Variants in MYO16 observed in about 807,000 individuals in gnomAD.
MYO16 encodes myosin XVI, also known as unconventional myosin-XVI.
MYO16 carries 94 observed loss-of-function variants against 205.3 expected under a neutral mutation model. The observed-to-expected ratio is 0.46, with a 90% CI of 0.39 to 0.54. The LOEUF (loss-of-function observed/expected upper bound fraction) is 0.54, where lower values mean the gene tolerates loss of function less well. Ranked by LOEUF, MYO16 falls within the 20% of genes least tolerant of loss-of-function variation. The pLI is 0.00. For synonymous variants in MYO16, 988 were observed against 954.0 expected (o/e 1.04, Z -0.66); for missense variants, 2,315 against 2,387.5 (o/e 0.97, Z 0.63).
chr13:108,542,332 A>G, the MYO16 span, among the ~76,000 whole-genome samples: 1 of 152,114 alleles, frequency 6.6e-6, no homozygotes, highest in African/African-American at 2.4e-5. Flanking sequence ...ATTTGGGAGG[A>G]GAGAGAAGTT....
chr13:108,549,842 G>A, the MYO16 span, among the ~76,000 whole-genome samples: 15 of 152,300 alleles, frequency 9.8e-5, no homozygotes, highest in Non-Finnish European at 1.6e-4. Context: ...ACCCTAATAT[G>A]TTTCACTTAA....
chr13:108,758,213 C>T (rs756474362), intron 4 of MYO16, among the ~76,000 whole-genome samples: 2 of 152,156 alleles, frequency 1.3e-5, no homozygotes, highest in Non-Finnish European at 2.9e-5. Flanking sequence ...GTTTATAAGC[C>T]ACCCAGTCTA....
At chr13:108,570,869 T>A in the MYO16 span, among the ~76,000 whole-genome samples, 6 of 152,212 alleles carry the variant, frequency 3.9e-5, no homozygotes, top group Non-Finnish European at 7.3e-5. Context: ...GTAGAGAGAT[T>A]AATGCTTGCC....
At chr13:109,019,576 T>C (rs1328518152) in intron 22 of MYO16, 135 bp from the exon 23 acceptor site, 5 of 655,924 alleles carry the variant, frequency 7.6e-6, no homozygotes, top group Non-Finnish European at 1.3e-5. Flanking sequence ...AGAAATATAT[T>C]AAGGTAAAGA....
At chr13:108,837,284 T>A (rs142924904) in intron 9 of MYO16, among the ~76,000 whole-genome samples, 1 of 152,120 alleles carries the variant, frequency 6.6e-6, no homozygotes, top group African/African-American at 2.4e-5. Context: ...GATTGTAAGT[T>A]TCCTGAGGCC....
the MYO16 span, among the ~76,000 whole-genome samples, chr13:108,532,256 A>G: frequency 6.6e-6 from 1 of 151,966 alleles, no homozygotes; most frequent in East Asian, 1.9e-4. Flanking sequence ...AAATAAGAGC[A>G]GAAGAAGCAA....
At chr13:108,992,334 T>C (rs1884864336) in intron 20 of MYO16, 42 bp from the exon 21 acceptor site, 2 of 1,466,854 alleles carry the variant, frequency 1.4e-6, no homozygotes, top group Non-Finnish European at 1.9e-6. Flanking sequence ...ATGAAGGAGT[T>C]TTAAGGATGC....
chr13:108,836,878 T>G (rs1876951452), intron 9 of MYO16, among the ~76,000 whole-genome samples: 1 of 152,200 alleles, frequency 6.6e-6, no homozygotes, highest in African/African-American at 2.4e-5. Flanking sequence ...ATTTACAGGC[T>G]CATAGATGGT....
At chr13:108,579,480 A>G in the MYO16 span, among the ~76,000 whole-genome samples, 2 of 143,870 alleles carry the variant, frequency 1.4e-5, no homozygotes, top group Non-Finnish European at 3.0e-5. Context: ...TCACTCTGTC[A>G]CCCAGATTAG....
At chr13:109,048,428 G>A in intron 24 of MYO16, 1 of 650,508 alleles carries the variant, frequency 1.5e-6, no homozygotes, top group Non-Finnish European at 2.8e-6. Flanking sequence ...TTTGTAAAGG[G>A]CTAGAGAATA....
At chr13:108,988,607 A>T (rs1884717903) in intron 20 of MYO16, among the ~76,000 whole-genome samples, 2 of 152,134 alleles carry the variant, frequency 1.3e-5, no homozygotes, top group South Asian at 4.1e-4. Context: ...CCACCCACAC[A>T]TGCCACAGTG....
At chr13:108,805,925 A>AAAATAAAT (rs113156198) in intron 6 of MYO16, among the ~76,000 whole-genome samples, 2,667 of 137,034 alleles carry the variant, frequency 0.019, 63 homozygotes, top group African/African-American at 0.052. Context: ...AGTCTCTACC[A>AAAATAAAT]AAATAAATAA....
At chr13:108,837,264 C>T (rs1188116526) in intron 9 of MYO16, among the ~76,000 whole-genome samples, 1 of 152,130 alleles carries the variant, frequency 6.6e-6, no homozygotes, top group Non-Finnish European at 1.5e-5. Context: ...GAAGAGGTGC[C>T]TTCTGCCATG....
At chr13:109,120,284 T>A in intron 28 of MYO16, 86 bp from the exon 29 acceptor site, 1 of 936,816 alleles carries the variant, frequency 1.1e-6, no homozygotes, top group South Asian at 1.7e-5. Flanking sequence ...AATCCTCTGC[T>A]GGAAAAATAT....
chr13:109,113,894 G>A (rs537338440), intron 28 of MYO16, among the ~76,000 whole-genome samples: 4 of 152,306 alleles, frequency 2.6e-5, no homozygotes, highest in African/African-American at 7.2e-5. Flanking sequence ...AGGCTAGGGT[G>A]CCTATGAAAC....
In MYO16 at chr13:108,810,218, G is replaced by A. The variant is rs563365930; in HGVS notation, c.867+3414G>A. On this transcript the variant is annotated intron_variant, in intron 7 of 34. Coordinates refer to ENST00000457511, the MANE Select transcript of MYO16 (RefSeq NM_001198950.3). ...GTACTGAGGAAAGTGTCTGAAGATC[G>A]TATGTCTTTACTACTTTGTTCCATT... 5.9e-5 allele frequency among the ~76,000 whole-genome samples: 9 copies of A among 152,244 alleles called. No individual in the cohort carries two copies. In the South Asian group the frequency reaches 8.3e-4, roughly 14 times the overall value.
intron 16 of MYO16, among the ~76,000 whole-genome samples, chr13:108,911,933 G>A (rs1881287318): frequency 1.3e-5 from 2 of 152,236 alleles, no homozygotes; most frequent in Admixed American, 1.3e-4. Context: ...AGCAACACAT[G>A]GTGTTATTGT....
chr13:108,952,832 T>C (rs1352531726), intron 16 of MYO16, among the ~76,000 whole-genome samples: 9 of 152,220 alleles, frequency 5.9e-5, no homozygotes, highest in Non-Finnish European at 1.3e-4. Flanking sequence ...TATGCAATTT[T>C]GACTCATAGA....
chr13:108,590,192 C>G, the MYO16 span, among the ~76,000 whole-genome samples: 1 of 152,134 alleles, frequency 6.6e-6, no homozygotes, highest in Non-Finnish European at 1.5e-5. Context: ...TATTTGTATA[C>G]TAAGAAAGCA....
Sources: allele counts gnomAD v4.1 joint callset (sites outside exome capture counted in the v4.1 genomes callset), GRCh38; gene constraint gnomAD v4.1.1; transcripts MANE v1.5; gene names NCBI Gene and HGNC (gene_info 2026-07-23, HGNC 2026-07-21).